Variants in SLCO1A2 observed in about 807,000 individuals in gnomAD.
The protein encoded by SLCO1A2 is solute carrier organic anion transporter family member 1A2, also known as OATP-1.
Under a neutral mutation model 69.0 loss-of-function variants are expected in SLCO1A2, and 67 were observed. The observed-to-expected ratio is 0.97, with a 90% CI of 0.80 to 1.19. The LOEUF (loss-of-function observed/expected upper bound fraction) is 1.19, where lower values mean the gene tolerates loss of function less well. Among genes scored for constraint, SLCO1A2 ranks in the 50% most tolerant of loss-of-function variants. The pLI, the probability that SLCO1A2 is intolerant of heterozygous loss-of-function variation, is 0.00. For missense variants in SLCO1A2, 787 were observed against 793.7 expected, an observed-to-expected ratio of 0.99 and a Z score of 0.10; for synonymous variants, 260 against 265.9, an observed-to-expected ratio of 0.98 and a Z score of 0.22.
intron 2 of SLCO1A2, among the ~76,000 whole-genome samples, chr12:21,328,813 G>A (rs1329139646): frequency 4.6e-5 from 7 of 152,200 alleles, no homozygotes; most frequent in Non-Finnish European, 8.8e-5. Flanking sequence ...GCCACTCCAG[G>A]ACAGTGAGCA....
chr12:21,314,742 T>G (rs1265398413), intron 3 of SLCO1A2, 61 bp from the exon 4 acceptor site: 4 of 1,228,426 alleles, frequency 3.3e-6, no homozygotes, highest in Non-Finnish European at 4.7e-6. Context: ...ATTAAGAGCC[T>G]CACCCAATCA....
intron 12 of SLCO1A2, 74 bp downstream of exon 12, chr12:21,292,090 G>A: frequency 9.5e-7 from 1 of 1,057,016 alleles, no homozygotes; most frequent in Non-Finnish European, 1.3e-6. Context: ...ACTGAGTCCT[G>A]AGTGACTTTC....
At chr12:21,294,292 C>G (rs928374744) in intron 10 of SLCO1A2, 182 bp from the exon 11 acceptor site, 4 of 432,714 alleles carry the variant, frequency 9.2e-6, no homozygotes, top group Non-Finnish European at 1.6e-5. Context: ...GCTTTGATGA[C>G]CACATAGCCA....
Position 21,386,436 on chromosome 12 carries a change from C to G in SLCO1A2, c.-190+8470G>C, listed in dbSNP as rs78483904. Among the ~76,000 whole-genome samples the G allele has an allele frequency of 3.9e-5, 6 of 152,142 alleles. No individual in the cohort carries two copies. In the South Asian group the frequency reaches 1.2e-3, roughly 32 times the overall value. ...AACCCCCACATATTGCGGGAGGGGC[C>G]AGGTGGGAGGTAATTGAATCATGGA... On this transcript the variant is annotated intron_variant, in intron 1 of 15. Coordinates refer to the SLCO1A2 transcript ENST00000307378.
intron 9 of SLCO1A2, among the ~76,000 whole-genome samples, chr12:21,296,922 C>T (rs1565479840): frequency 6.6e-6 from 1 of 152,114 alleles, no homozygotes; most frequent in African/African-American, 2.4e-5. Context: ...AGGCTAAAAC[C>T]ACTGAGGTTA....
At position 21,361,778 on chromosome 12, in the gene SLCO1A2, T is replaced by C. The variant is rs138041708; in HGVS notation, c.-63+12621A>G. 7.6e-3 allele frequency among the ~76,000 whole-genome samples: 1,153 copies of C among 152,086 alleles called. 15 individuals are homozygous for C. The highest frequency in any genetic ancestry group is 0.026 in the African/African-American group (1,077 of 41,488). ...AGCTTCAGTAGCCGATTTGATCAAA[T>C]AGAAGAAAGGGTATCAGTGATTGAA... On this transcript the variant is annotated intron_variant, in intron 2 of 15. Coordinates refer to the SLCO1A2 transcript ENST00000307378.
At chr12:21,352,302 G>A (rs1322993198) in intron 2 of SLCO1A2, among the ~76,000 whole-genome samples, 1 of 152,148 alleles carries the variant, frequency 6.6e-6, no homozygotes, top group Non-Finnish European at 1.5e-5. Flanking sequence ...TATGAGGTTT[G>A]AGCCATTAAA....
intron 1 of SLCO1A2, chr12:21,403,786 C>A (rs1055319637): frequency 1.3e-5 from 2 of 149,300 alleles, no homozygotes; most frequent in Admixed American, 1.3e-4. Context: ...GCTCCAATAC[C>A]CTGTTGAAAA....
intron 4 of SLCO1A2, among the ~76,000 whole-genome samples, chr12:21,313,267 G>A (rs1312348581): frequency 6.6e-6 from 1 of 152,208 alleles, no homozygotes; most frequent in Non-Finnish European, 1.5e-5. Flanking sequence ...GTGAGCACAT[G>A]CTGTTGGAAA....
rs113815403 is a variant in SLCO1A2 at position 21,269,721 on chromosome 12, C to G, written c.1840G>C (p.Val614Leu). The G allele has an allele frequency of 2.5e-6, 4 of 1,612,328 alleles. No individual in the cohort carries two copies. In the African/African-American group the frequency reaches 4.0e-5, roughly 16 times the overall value. Residue 614 changes from valine (V) to leucine (L), a missense_variant, in exon 15 of 15, where the codon GTT becomes CTT. Val to Leu is a conservative substitution (Grantham distance 32, BLOSUM62 1). Transcript: ENST00000683939. ...LPAALRGSSF[V>L]PALIILILLR... ...AGAATTAAGATGATTAAGGCTGGAA[C>G]AAAGCTTGATCCTCTTAGTGCTGCC...
chr12:21,329,729 T>G (rs1218494076), intron 2 of SLCO1A2, among the ~76,000 whole-genome samples: 1 of 143,534 alleles, frequency 7.0e-6, no homozygotes, highest in Non-Finnish European at 1.5e-5. Context: ...ATATAATATT[T>G]TTATCTTTAC....
chr12:21,401,086 T>G (rs1299092613), intron 1 of SLCO1A2, among the ~76,000 whole-genome samples: 1 of 151,868 alleles, frequency 6.6e-6, no homozygotes, highest in Non-Finnish European at 1.5e-5. Flanking sequence ...GCTAATATCA[T>G]TATTATTCAT....
intron 12 of SLCO1A2, among the ~76,000 whole-genome samples, chr12:21,278,229 G>A (rs1479237332): frequency 6.6e-6 from 1 of 152,002 alleles, no homozygotes; most frequent in Non-Finnish European, 1.5e-5. Flanking sequence ...AGCCACACTA[G>A]CATAGAGCAT....
chr12:21,335,477 A>C (rs968536297), upstream of SLCO1A2, among the ~76,000 whole-genome samples: 1 of 152,054 alleles, frequency 6.6e-6, no homozygotes, highest in Non-Finnish European at 1.5e-5. Context: ...AATTAAACTC[A>C]AATAAATTCT....
chr12:21,384,169 C>A lies in SLCO1A2; in HGVS notation c.-189-9644G>T, dbSNP rs147343357. On this transcript the variant is annotated intron_variant, in intron 1 of 15. Coordinates refer to the SLCO1A2 transcript ENST00000307378. ...GAACAGTATGGTATTACAGTGGGTA[C>A]TTTCTAAATTCATTTTATTAAGAAT... Among the ~76,000 whole-genome samples, 304 of 152,040 alleles carry A rather than the reference C, an allele frequency of 2.0e-3. 1 individual carries two copies. Among genetic ancestry groups the A allele is most frequent in the African/African-American group, 7.0e-3 (292 of 41,492 alleles).
At chr12:21,384,031 C>A (rs1383445044) in intron 1 of SLCO1A2, among the ~76,000 whole-genome samples, 1 of 152,102 alleles carries the variant, frequency 6.6e-6, no homozygotes, top group East Asian at 1.9e-4. Flanking sequence ...ATAGTAATAT[C>A]TATCTTGAAT....
Position 21,357,531 on chromosome 12 carries a change from G to A in SLCO1A2, c.-63+16868C>T, listed in dbSNP as rs1490605997. On this transcript the variant is annotated intron_variant, in intron 2 of 15. Transcript: ENST00000307378. ...TGTTGCAGCACTTTTTGTCCCAACT[G>A]GTTGGAAATGTCATTGTTATTTTCC... 2.6e-5 allele frequency among the ~76,000 whole-genome samples: 4 copies of A among 152,130 alleles called. No individual in the cohort carries two copies. The East Asian group carries it at 5.8e-4, about 22-fold the overall frequency.
chr12:21,386,823 G>A (rs575581289), intron 1 of SLCO1A2, among the ~76,000 whole-genome samples: 1 of 152,156 alleles, frequency 6.6e-6, no homozygotes, highest in East Asian at 1.9e-4. Context: ...AGTTTGATGG[G>A]TTGAAGAGAA....
chr12:21,304,303 C>T (rs1949080694), intron 6 of SLCO1A2, 124 bp downstream of exon 6: 4 of 713,910 alleles, frequency 5.6e-6, no homozygotes, highest in African/African-American at 1.8e-5. Context: ...TATGGAAGGC[C>T]AACTGTGCCA....
Sources: gnomAD v4.1 joint callset for allele counts (sites outside exome capture counted in the v4.1 genomes callset) on GRCh38, gnomAD v4.1.1 for gene constraint, MANE v1.5 for transcripts, NCBI Gene and HGNC (gene_info 2026-07-23, HGNC 2026-07-21) for gene names.